Variants in NAALADL2 observed in about 807,000 individuals in gnomAD.
NAALADL2 encodes the protein inactive N-acetylated-alpha-linked acidic dipeptidase-like protein 2.
NAALADL2 carries 76 observed loss-of-function variants against 87.2 expected under a neutral mutation model. The observed-to-expected ratio is 0.87, with a 90% CI of 0.72 to 1.05. NAALADL2 has a LOEUF of 1.05. NAALADL2 is among the 50% of genes least tolerant of loss of function. The pLI is 0.00. For missense variants in NAALADL2, 1,089 were observed against 945.8 expected, an observed-to-expected ratio of 1.15 and a Z score of -1.99; for synonymous variants, 354 against 331.0, an observed-to-expected ratio of 1.07 and a Z score of -0.75.
chr3:175,683,859 G>A (rs931216005), intron 11 of NAALADL2, among the ~76,000 whole-genome samples: 8 of 151,808 alleles, frequency 5.3e-5, no homozygotes, highest in African/African-American at 9.7e-5. Context: ...TACATTTAAC[G>A]GAAATAATGT....
chr3:175,387,011 A>G (rs548034061), intron 5 of NAALADL2, among the ~76,000 whole-genome samples: 1 of 152,280 alleles, frequency 6.6e-6, no homozygotes, highest in East Asian at 1.9e-4. Context: ...CTTATTCTAA[A>G]GTTGTTAAGA....
At chr3:175,379,896 C>A in intron 5 of NAALADL2, among the ~76,000 whole-genome samples, 1 of 152,152 alleles carries the variant, frequency 6.6e-6, no homozygotes, top group East Asian at 1.9e-4. Flanking sequence ...TGTATGTTTA[C>A]TCAGAGAAGC....
chr3:175,680,104 G>A (rs1015873203), intron 11 of NAALADL2, among the ~76,000 whole-genome samples: 1 of 152,130 alleles, frequency 6.6e-6, no homozygotes, highest in Non-Finnish European at 1.5e-5. Context: ...GGTTGACAGC[G>A]ATTCCTTAAA....
intron 2 of NAALADL2, among the ~76,000 whole-genome samples, chr3:174,652,273 A>G (rs76526307): frequency 6.6e-6 from 1 of 152,202 alleles, no homozygotes; most frequent in Admixed American, 6.5e-5. Context: ...ATCCATGGCC[A>G]TGACAGTGCT....
At chr3:175,135,295 G>T (rs571668202) in intron 2 of NAALADL2, among the ~76,000 whole-genome samples, 5 of 152,196 alleles carry the variant, frequency 3.3e-5, no homozygotes, top group African/African-American at 9.6e-5. Flanking sequence ...TAATATACGT[G>T]CCAAGAAAAG....
chr3:175,178,308 T>C, intron 2 of NAALADL2, among the ~76,000 whole-genome samples: 1 of 152,214 alleles, frequency 6.6e-6, no homozygotes, highest in Admixed American at 6.6e-5. Context: ...GTACATATAA[T>C]TTTGAATCAT....
At chr3:175,368,971 G>A (rs957341166) in intron 5 of NAALADL2, among the ~76,000 whole-genome samples, 1 of 152,138 alleles carries the variant, frequency 6.6e-6, no homozygotes, top group African/African-American at 2.4e-5. Context: ...GTTGCTCTGG[G>A]TGGATCTGTG....
intron 1 of NAALADL2, among the ~76,000 whole-genome samples, chr3:174,548,275 A>G (rs1318271318): frequency 1.3e-5 from 2 of 152,200 alleles, no homozygotes; most frequent in Non-Finnish European, 1.5e-5. Flanking sequence ...TAAAGGGTAC[A>G]TAACACACCA....
At chr3:175,173,820 AAG>A (rs1735252367) in intron 2 of NAALADL2, among the ~76,000 whole-genome samples, 1 of 152,186 alleles carries the variant, frequency 6.6e-6, no homozygotes, top group South Asian at 2.1e-4. Flanking sequence ...TGCATTCAGT[AAG>A]TGTGTTGAAG....
intron 1 of NAALADL2, among the ~76,000 whole-genome samples, chr3:175,049,645 G>C (rs1467551736): frequency 6.6e-6 from 1 of 152,096 alleles, no homozygotes; most frequent in African/African-American, 2.4e-5. Context: ...AGAAATACCA[G>C]AGTTTTTTCC....
chr3:174,742,795 GTAT>G (rs143627318), intron 3 of NAALADL2, among the ~76,000 whole-genome samples: 6,138 of 151,520 alleles, frequency 0.041, 422 homozygotes, highest in African/African-American at 0.14. Context: ...TTTGTAGGGT[GTAT>G]TATTATGAAT....
intron 11 of NAALADL2, among the ~76,000 whole-genome samples, chr3:175,727,591 C>T (rs1388007767): frequency 6.6e-6 from 1 of 152,180 alleles, no homozygotes; most frequent in African/African-American, 2.4e-5. Context: ...TAACCTACCA[C>T]CTAAGGTAGT....
chr3:174,668,612 C>T (rs986875917), intron 2 of NAALADL2, among the ~76,000 whole-genome samples: 8 of 152,210 alleles, frequency 5.3e-5, no homozygotes, highest in African/African-American at 1.9e-4. Context: ...TGATGTTTCC[C>T]TTCCTGTGTC....
chr3:174,616,874 G>T (rs1236764749), intron 2 of NAALADL2, among the ~76,000 whole-genome samples: 1 of 151,766 alleles, frequency 6.6e-6, no homozygotes, highest in African/African-American at 2.4e-5. Context: ...TGTATAGAAA[G>T]TTAAAACTTC....
At chr3:174,995,446 T>C (rs1747311697) in intron 1 of NAALADL2, among the ~76,000 whole-genome samples, 1 of 152,196 alleles carries the variant, frequency 6.6e-6, no homozygotes, top group Non-Finnish European at 1.5e-5. Flanking sequence ...GGAAAACTTC[T>C]GCCAGCCATT....
chr3:174,766,592 A>G (rs1713833947), intron 3 of NAALADL2, among the ~76,000 whole-genome samples: 1 of 152,224 alleles, frequency 6.6e-6, no homozygotes, highest in African/African-American at 2.4e-5. Context: ...GTAGGCTACT[A>G]CTATGACATC....
At chr3:175,490,374 G>GT (rs1727883308) in intron 9 of NAALADL2, among the ~76,000 whole-genome samples, 2 of 151,412 alleles carry the variant, frequency 1.3e-5, no homozygotes, top group Non-Finnish European at 2.9e-5. Flanking sequence ...GTATCTATTT[G>GT]TTTTTTTGTT....
intron 5 of NAALADL2, among the ~76,000 whole-genome samples, chr3:175,348,866 C>A (rs1271053602): frequency 6.6e-6 from 1 of 152,136 alleles, no homozygotes; most frequent in East Asian, 1.9e-4. Context: ...TAACGTGTAT[C>A]TATTTTTAAT....
At chr3:175,108,724 A>G (rs1230696355) in intron 2 of NAALADL2, among the ~76,000 whole-genome samples, 4 of 151,994 alleles carry the variant, frequency 2.6e-5, no homozygotes, top group South Asian at 2.1e-4. Flanking sequence ...TTCCCTTATT[A>G]TAACTTCCTT....
Sources: allele counts gnomAD v4.1 joint callset (sites outside exome capture counted in the v4.1 genomes callset), GRCh38; gene constraint gnomAD v4.1.1; transcripts MANE v1.5; gene names NCBI Gene and HGNC (gene_info 2026-07-23, HGNC 2026-07-21).